The following UNC79 variants were observed in gnomAD, a reference collection of about 807,000 sequenced individuals.
The protein encoded by UNC79 is unc-79 subunit of NALCN channel complex, also known as protein unc-79 homolog.
A neutral mutation model predicts 283.1 loss-of-function variants in UNC79; 37 were observed. The observed-to-expected ratio is 0.13, with a 90% CI of 0.10 to 0.17. The LOEUF (loss-of-function observed/expected upper bound fraction) is 0.17. Ranked by LOEUF, UNC79 falls within the 10% of genes least tolerant of loss-of-function variation. The pLI is 1.00. For missense variants in UNC79, 2,272 were observed against 3,211.1 expected, an observed-to-expected ratio of 0.71 and a Z score of 7.07; for synonymous variants, 1,107 against 1,200.2, an observed-to-expected ratio of 0.92 and a Z score of 1.61.
intron 7 of UNC79, among the ~76,000 whole-genome samples, chr14:93,499,256 G>C (rs1490992856): frequency 6.6e-6 from 1 of 152,168 alleles, no homozygotes; most frequent in Non-Finnish European, 1.5e-5. Flanking sequence ...TTAAGTGTTG[G>C]TAAGTGAATG....
At chr14:93,631,025 C>A in intron 31 of UNC79, 117 bp downstream of exon 33, 4 of 944,752 alleles carry the variant, frequency 4.2e-6, no homozygotes, top group Non-Finnish European at 6.4e-6. Flanking sequence ...GTTGCATCAG[C>A]TTCCTTGGTG....
At chr14:93,469,526 A>G (rs1277131960) in intron 2 of UNC79, among the ~76,000 whole-genome samples, 1 of 152,168 alleles carries the variant, frequency 6.6e-6, no homozygotes, top group Non-Finnish European at 1.5e-5. Context: ...TGGCATCTAT[A>G]ATCCCAGCTG....
At chr14:93,453,426 T>C (rs1430077730) in intron 1 of UNC79, among the ~76,000 whole-genome samples, 1 of 152,222 alleles carries the variant, frequency 6.6e-6, no homozygotes, top group Non-Finnish European at 1.5e-5. Context: ...ATTTTTTAAG[T>C]AGAGAGCTCA....
intron 35 of UNC79, among the ~76,000 whole-genome samples, chr14:93,651,583 C>T (rs1216444960): frequency 1.3e-5 from 2 of 152,140 alleles, no homozygotes; most frequent in Non-Finnish European, 2.9e-5. Context: ...ATCTAAATAA[C>T]AATTGATTTT....
intron 44 of UNC79, chr14:93,689,829 T>G: frequency 2.8e-6 from 1 of 354,022 alleles, no homozygotes; most frequent in Non-Finnish European, 5.1e-6. Flanking sequence ...TGGAAAGGGT[T>G]TAGAAAGAGA....
intron 25 of UNC79, among the ~76,000 whole-genome samples, chr14:93,602,450 C>T (rs572284368): frequency 6.6e-6 from 1 of 152,250 alleles, no homozygotes; most frequent in African/African-American, 2.4e-5. Context: ...TATTCCGTTC[C>T]ATTGGTCTAC....
At chr14:93,486,485 C>G (rs912577588) in intron 4 of UNC79, among the ~76,000 whole-genome samples, 2 of 151,632 alleles carry the variant, frequency 1.3e-5, no homozygotes, top group Admixed American at 1.3e-4. Context: ...TGAAACCCAT[C>G]TCTTCTAAAA....
At chr14:93,648,453 G>A (rs2069873938) in intron 35 of UNC79, among the ~76,000 whole-genome samples, 1 of 152,140 alleles carries the variant, frequency 6.6e-6, no homozygotes, top group African/African-American at 2.4e-5. Flanking sequence ...GCCACATTAA[G>A]GATATATTTA....
chr14:93,666,606 T>C (rs1439628617), intron 40 of UNC79, among the ~76,000 whole-genome samples: 2 of 152,044 alleles, frequency 1.3e-5, no homozygotes, highest in Admixed American at 6.6e-5. Flanking sequence ...CCTCCAAATA[T>C]ATAAAACAAA....
intron 1 of UNC79, among the ~76,000 whole-genome samples, chr14:93,357,752 T>A: frequency 7.2e-6 from 1 of 138,084 alleles, no homozygotes; most frequent in East Asian, 2.1e-4. Context: ...TATATGGATA[T>A]ATGGATATAT....
At chr14:93,436,786 G>A (rs1159002851) in intron 1 of UNC79, among the ~76,000 whole-genome samples, 1 of 152,114 alleles carries the variant, frequency 6.6e-6, no homozygotes, top group Non-Finnish European at 1.5e-5. Flanking sequence ...CTTGCTTTCT[G>A]TAATGTGAAA....
At chr14:93,660,126 A>G (rs1016199173) in intron 39 of UNC79, among the ~76,000 whole-genome samples, 3 of 152,176 alleles carry the variant, frequency 2.0e-5, no homozygotes, top group Non-Finnish European at 4.4e-5. Context: ...AATAGTTTGC[A>G]TTGCTATAGC....
At position 93,340,210 on chromosome 14, in the gene UNC79, A is replaced by G. The variant is rs556641201; in HGVS notation, c.-351+6687A>G. Among the ~76,000 whole-genome samples the G allele has an allele frequency of 9.8e-4, 150 of 152,292 alleles. 2 individuals are homozygous for G. The highest frequency in any genetic ancestry group is 3.4e-3 in the African/African-American group (143 of 41,562). ...GTAATCCCAGCACTTTGGTAGGCCA[A>G]GGTGGGCGGATCGCGAGGTCAGGAG... On this transcript the variant is annotated intron_variant, in intron 1 of 49. Transcript: ENST00000256339.
chr14:93,692,467 A>T (rs1193488830), intron 46 of UNC79, among the ~76,000 whole-genome samples: 1 of 152,244 alleles, frequency 6.6e-6, no homozygotes, highest in Admixed American at 6.5e-5. Flanking sequence ...CTATAATGTC[A>T]GAGGGTTAGG....
At chr14:93,356,523 C>G (rs1034956882) in intron 1 of UNC79, among the ~76,000 whole-genome samples, 2 of 152,218 alleles carry the variant, frequency 1.3e-5, no homozygotes, top group Admixed American at 1.3e-4. Context: ...ATGCAGGGCT[C>G]TCTTGATCTC....
At chr14:93,685,114 T>C (rs1279372713) in intron 42 of UNC79, among the ~76,000 whole-genome samples, 2 of 152,248 alleles carry the variant, frequency 1.3e-5, no homozygotes, top group African/African-American at 2.4e-5. Flanking sequence ...GCTGGTTGTC[T>C]CTAAAACAAA....
At chr14:93,482,783 T>C (rs866515228) in intron 4 of UNC79, among the ~76,000 whole-genome samples, 4 of 152,290 alleles carry the variant, frequency 2.6e-5, no homozygotes, top group African/African-American at 9.6e-5. Flanking sequence ...GCTTCCCTTT[T>C]TAGCCCTCCT....
intron 1 of UNC79, among the ~76,000 whole-genome samples, chr14:93,335,227 C>T (rs1317730527): frequency 1.3e-5 from 2 of 152,186 alleles, no homozygotes; most frequent in East Asian, 3.8e-4. Context: ...TGTAAGTGAT[C>T]CATGATTTTT....
chr14:93,657,035 G>A (rs534789150), intron 38 of UNC79, among the ~76,000 whole-genome samples: 6 of 152,252 alleles, frequency 3.9e-5, no homozygotes, highest in Admixed American at 2.0e-4. Flanking sequence ...GATAATGCAG[G>A]GACCCTTAGC....
Sources: allele counts gnomAD v4.1 joint callset (sites outside exome capture counted in the v4.1 genomes callset), GRCh38; gene constraint gnomAD v4.1.1; transcripts MANE v1.5; gene names NCBI Gene and HGNC (gene_info 2026-07-23, HGNC 2026-07-21).